Variants in DEDD observed in about 807,000 individuals in gnomAD.
DEDD encodes the protein death effector domain-containing protein.
DEDD carries 3 observed loss-of-function variants against 29.2 expected under a neutral mutation model. The observed-to-expected ratio is 0.10, with a 90% confidence interval of 0.05 to 0.27. DEDD has a LOEUF of 0.27. Among genes scored for constraint, DEDD ranks in the 10% least tolerant of loss-of-function variants. DEDD has a pLI of 1.00. For synonymous variants in DEDD, 152 were observed against 161.3 expected, an observed-to-expected ratio of 0.94 and a Z score of 0.44; for missense variants, 261 against 420.5, an observed-to-expected ratio of 0.62 and a Z score of 3.32.
intron 2 of DEDD, among the ~76,000 whole-genome samples, chr1:161,125,728 C>T (rs530298397): frequency 2.0e-5 from 3 of 152,308 alleles, no homozygotes; most frequent in African/African-American, 7.2e-5. Flanking sequence ...TCTTGAACTC[C>T]TGACCTCAGG....
rs1655628025 is a variant in DEDD, at chr1:161,122,597, G to GA, written c.581-75dup. On this transcript the variant is annotated intron_variant, in intron 5 of 5. Transcript: ENST00000368006. This position sits in a 1 kb window ranked among gnomAD's most constrained non-coding sequence, Gnocchi z 4.2. ...AGTTTACAAGCCAAGCTTGAAAACT[G>GA]AAAAGCACAACAGAATAAAAAAGTA... The GA allele has an allele frequency of 6.5e-7, 1 of 1,535,724 alleles. No individual in the cohort carries two copies. Among genetic ancestry groups the GA allele is most frequent in the African/African-American group, 1.4e-5 (1 of 72,220 alleles).
chr1:161,126,501 G>A (rs550322665), intron 2 of DEDD, among the ~76,000 whole-genome samples: 3 of 151,834 alleles, frequency 2.0e-5, no homozygotes, highest in South Asian at 4.2e-4. Context: ...CCACCACCAC[G>A]CCCAGCTACT....
At chr1:161,131,835 A>G (rs1489200161) in intron 1 of DEDD, among the ~76,000 whole-genome samples, 1 of 151,174 alleles carries the variant, frequency 6.6e-6, no homozygotes, top group African/African-American at 2.4e-5. Context: ...CCTCCTCTCC[A>G]CCGGGGAAAG....
In DEDD at chr1:161,123,134, C is replaced by G; in HGVS notation, c.521G>C (p.Gly174Ala). Residue 174 changes from glycine (G) to alanine (A), a missense_variant, in exon 5 of 6, where the codon GGG becomes GCG. Physicochemically the swap from Gly to Ala is moderately conservative, Grantham distance 60. This residue lies in a region of DEDD where 203 missense variants were observed against 268.7 expected (regional missense o/e 0.76). Transcript: ENST00000368006. ...KRPARGRATL[G>A]SQRKRRKSVT... is the part of the protein sequence containing the mutation. ...TGACTTCCGGCGTTTTCGCTGGCTC[C>G]CAAGTGTGGCTCTCCCTCGGGCTGG... 6.2e-7 allele frequency: 1 copy of G among 1,614,190 alleles called. No individual in the cohort carries two copies. Among genetic ancestry groups the G allele is most frequent in the Non-Finnish European group, 8.5e-7 (1 of 1,180,038 alleles).
chr1:161,124,601 T>G, intron 2 of DEDD, 75 bp from the exon 3 acceptor site: 1 of 1,442,572 alleles, frequency 6.9e-7, no homozygotes, highest in Non-Finnish European at 9.1e-7. Context: ...TATTCCCAGT[T>G]GCTAACAATG....
intron 2 of DEDD, among the ~76,000 whole-genome samples, chr1:161,126,839 C>T (rs555372844): frequency 6.6e-6 from 1 of 152,144 alleles, no homozygotes; most frequent in Non-Finnish European, 1.5e-5. Flanking sequence ...CTCTATTCCA[C>T]ACCCCCATCA....
chr1:161,129,324 G>A (rs1391287833), intron 2 of DEDD, among the ~76,000 whole-genome samples: 1 of 152,064 alleles, frequency 6.6e-6, no homozygotes, highest in Non-Finnish European at 1.5e-5. Flanking sequence ...GCCTCGCATG[G>A]TGGCTCACAC....
At chr1:161,129,181 C>G (rs1656421280) in intron 2 of DEDD, among the ~76,000 whole-genome samples, 1 of 152,146 alleles carries the variant, frequency 6.6e-6, no homozygotes. Context: ...ATGTAAGTTC[C>G]TCAAGGCCAT....
intron 2 of DEDD, among the ~76,000 whole-genome samples, chr1:161,127,060 A>G (rs966989048): frequency 1.3e-5 from 2 of 152,304 alleles, no homozygotes; most frequent in Non-Finnish European, 2.9e-5. Context: ...TACTCAACTC[A>G]TGGAGAGATA....
intron 4 of DEDD, 56 bp downstream of exon 4, chr1:161,123,783 G>A (rs1655835948): frequency 2.1e-6 from 3 of 1,446,732 alleles, no homozygotes; most frequent in Non-Finnish European, 2.9e-6. Context: ...GAATGTGATG[G>A]GATCAGTGTC....
rs755497175 is a variant in DEDD, at chr1:161,123,183, C to T, written c.472G>A (p.Gly158Ser). Residue 158 changes from glycine (G) to serine (S), a missense_variant, in exon 5 of 6, where the codon GGT (glycine) becomes AGT (serine). This residue lies in a region of DEDD where 203 missense variants were observed against 268.7 expected (regional missense o/e 0.76). Transcript: ENST00000368006. Reference sequence around the variant, plus strand: ...GGCCGCTTGCTACACATCTGAGGACCCGAAGTGGGGCAACACACCACAGGA... The same window carrying T: ...GGCCGCTTGCTACACATCTGAGGACTCGAAGTGGGGCAACACACCACAGGA... Reference protein sequence around the residue: ...HYPVVCCPTSGPQMCSKRPAR... With the variant: ...HYPVVCCPTSSPQMCSKRPAR... The T allele has an allele frequency of 6.2e-7, 1 of 1,614,150 alleles. No individual in the cohort carries two copies. The highest frequency in any genetic ancestry group is 1.1e-5 in the South Asian group (1 of 91,082).
intron 2 of DEDD, among the ~76,000 whole-genome samples, chr1:161,126,307 A>G (rs1557982368): frequency 6.9e-6 from 1 of 144,846 alleles, no homozygotes; most frequent in Non-Finnish European, 1.5e-5. Flanking sequence ...AGACCCATTG[A>G]TTGCCCCATC....
intron 4 of DEDD, 78 bp downstream of exon 4, chr1:161,123,761 T>C: frequency 7.6e-7 from 1 of 1,316,492 alleles, no homozygotes. Flanking sequence ...TCATTTAAGC[T>C]GGCAAAGCCC....
chr1:161,130,128 A>G lies in DEDD; in HGVS notation c.-65+687T>C, dbSNP rs561931355. Among the ~76,000 whole-genome samples the G allele has an allele frequency of 4.6e-5, 7 of 152,344 alleles. No individual in the cohort carries two copies. In the East Asian group the frequency reaches 1.3e-3, roughly 29 times the overall value. ...GGGAAAGCGACATGAAAGAAATAAAAAAGAGTGCTGTCTTGAAATGAAAAT... is the reference window on the plus strand; with the variant it reads ...GGGAAAGCGACATGAAAGAAATAAAGAAGAGTGCTGTCTTGAAATGAAAAT... On this transcript the variant is annotated intron_variant, in intron 2 of 5. Transcript: ENST00000368006.
At chr1:161,129,318 C>T (rs956876810) in intron 2 of DEDD, among the ~76,000 whole-genome samples, 12 of 152,010 alleles carry the variant, frequency 7.9e-5, no homozygotes, top group African/African-American at 2.2e-4. Flanking sequence ...GATGAGGCCT[C>T]GCATGGTGGC....
At position 161,126,469 on chromosome 1, in the gene DEDD, G is replaced by A. The variant is rs530504882; in HGVS notation, c.-64-1943C>T. On this transcript the variant is annotated intron_variant, in intron 2 of 5. Coordinates refer to ENST00000368006, the MANE Select transcript of DEDD (RefSeq NM_032998.3). ...AGCGATTCTCCTGCCTCAGCTTCCCGAGTAGCTGGGACTACAGGCACCCAC... is the reference window on the plus strand; with the variant it reads ...AGCGATTCTCCTGCCTCAGCTTCCCAAGTAGCTGGGACTACAGGCACCCAC... 1.5e-4 allele frequency among the ~76,000 whole-genome samples: 22 copies of A among 150,598 alleles called. No homozygotes were observed. In the East Asian group the frequency reaches 3.1e-3, roughly 21 times the overall value.
At chr1:161,128,476 C>G (rs1409892289) in intron 2 of DEDD, among the ~76,000 whole-genome samples, 1 of 152,128 alleles carries the variant, frequency 6.6e-6, no homozygotes, top group Non-Finnish European at 1.5e-5. Context: ...TGGCATGCAC[C>G]TGTGATCCCA....
Position 161,122,638 on chromosome 1 carries a change from C to G in DEDD, c.581-115G>C. 3.1e-6 allele frequency: 4 copies of G among 1,307,052 alleles called. No individual in the cohort carries two copies. The highest frequency in any genetic ancestry group is 3.1e-6 in the Non-Finnish European group (3 of 958,144). 81.0% of individuals were successfully genotyped at this position (1,307,052 alleles called of 1,614,324 possible). A position where few individuals can be genotyped will look rare whatever the true frequency, so the allele number is the denominator to read the frequency against. On this transcript the variant is annotated intron_variant, in intron 5 of 5. Coordinates refer to ENST00000368006, the MANE Select transcript of DEDD (RefSeq NM_032998.3). This position sits in a 1 kb window ranked among gnomAD's most constrained non-coding sequence, Gnocchi z 4.2. ...TAAAAAAGTAGGGAATATCACCTGA[C>G]AGCTTCTCTACCTCTTCCCCAGGAC...
chr1:161,129,467 C>A (rs1241980933), intron 2 of DEDD, among the ~76,000 whole-genome samples: 1 of 149,724 alleles, frequency 6.7e-6, no homozygotes, highest in Non-Finnish European at 1.5e-5. Flanking sequence ...CATAGTGGGA[C>A]ATACCTGTGG....
Sources: allele counts gnomAD v4.1 joint callset (sites outside exome capture counted in the v4.1 genomes callset), GRCh38; gene constraint gnomAD v4.1.1; regional missense constraint gnomAD v4.1.1; non-coding constraint Gnocchi (gnomAD v3.1); transcripts MANE v1.5; gene names NCBI Gene and HGNC (gene_info 2026-07-23, HGNC 2026-07-21).